The following TANK variants were observed in gnomAD, a reference collection of about 807,000 sequenced individuals.
TANK encodes TRAF family member associated NFKB activator.
TANK carries 15 observed loss-of-function variants against 43.6 expected under a neutral mutation model. That is an observed-to-expected ratio of 0.34 (90% CI 0.23 to 0.53). The LOEUF is 0.53. Ranked by LOEUF, TANK falls within the 20% of genes least tolerant of loss-of-function variation. The pLI, the probability that TANK is intolerant of heterozygous loss-of-function variation, is 0.94. For synonymous variants in TANK, 162 were observed against 178.2 expected (o/e 0.91, Z 0.73); for missense variants, 417 against 498.6 (o/e 0.84, Z 1.56).
At chr2:161,168,684 T>C (rs535776537) in intron 1 of TANK, among the ~76,000 whole-genome samples, 2 of 152,170 alleles carry the variant, frequency 1.3e-5, no homozygotes, top group South Asian at 4.1e-4. Flanking sequence ...AATACAAAAA[T>C]TAGCTGGGTG....
At chr2:161,210,408 C>T (rs1377988630) in intron 4 of TANK, among the ~76,000 whole-genome samples, 1 of 152,156 alleles carries the variant, frequency 6.6e-6, no homozygotes, top group Non-Finnish European at 1.5e-5. Flanking sequence ...TAATAGACAA[C>T]ATCTATCCCC....
At chr2:161,143,648 C>T (rs1419962326) in intron 1 of TANK, among the ~76,000 whole-genome samples, 1 of 151,864 alleles carries the variant, frequency 6.6e-6, no homozygotes, top group South Asian at 2.1e-4. Context: ...ACCAACCTTG[C>T]GTCCCAGGGA....
chr2:161,199,535 A>C lies in TANK; in HGVS notation c.100-3952A>C, dbSNP rs373052037. Among the ~76,000 whole-genome samples, 33 of 152,336 alleles carry C rather than the reference A, an allele frequency of 2.2e-4. 2 individuals are homozygous for C. The South Asian group carries it at 6.8e-3, about 32-fold the overall frequency. ...GATACTCATGGAAATTTAAACATCTATCTACAGAAAATTATAGGAAATATG... is the reference window on the plus strand; with the variant it reads ...GATACTCATGGAAATTTAAACATCTCTCTACAGAAAATTATAGGAAATATG... On this transcript the variant is annotated intron_variant, in intron 2 of 7. Coordinates refer to ENST00000392749, the MANE Select transcript of TANK (RefSeq NM_001199135.3).
chr2:161,194,293 A>G (rs1558987892), intron 2 of TANK, among the ~76,000 whole-genome samples: 1 of 152,004 alleles, frequency 6.6e-6, no homozygotes, highest in Non-Finnish European at 1.5e-5. Flanking sequence ...TTGAGAAGAG[A>G]AATTTGAAAT....
rs141987490 is a variant in TANK at position 161,216,788 on chromosome 2, A to G, written c.328-7127A>G. ...AAGTTAAATTTTCTACAAGATGTTA[A>G]TGGAAAAAGGATAATTTCTAGACAA... On this transcript the variant is annotated intron_variant, in intron 4 of 7. Coordinates refer to ENST00000392749, the MANE Select transcript of TANK (RefSeq NM_001199135.3). Among the ~76,000 whole-genome samples the G allele has an allele frequency of 2.2e-4, 34 of 152,316 alleles. No individual in the cohort carries two copies. In the East Asian group the frequency reaches 6.5e-3, roughly 29 times the overall value.
At chr2:161,228,407 C>T (rs1309801984) in intron 6 of TANK, among the ~76,000 whole-genome samples, 4 of 151,942 alleles carry the variant, frequency 2.6e-5, no homozygotes, top group African/African-American at 7.3e-5. Flanking sequence ...GACGCATGCC[C>T]GTAATCCCAG....
chr2:161,149,420 T>C (rs1459757786), intron 1 of TANK, among the ~76,000 whole-genome samples: 3 of 152,204 alleles, frequency 2.0e-5, no homozygotes, highest in Admixed American at 6.5e-5. Flanking sequence ...TAGGATAATA[T>C]CATCTAAGGA....
chr2:161,229,011 C>T (rs1687772957), intron 6 of TANK, among the ~76,000 whole-genome samples: 3 of 152,212 alleles, frequency 2.0e-5, no homozygotes, highest in African/African-American at 7.2e-5. Flanking sequence ...CTGCATTTCT[C>T]AAAATGTTCC....
upstream of TANK, among the ~76,000 whole-genome samples, chr2:161,159,424 G>C (rs1157034436): frequency 1.3e-5 from 2 of 152,156 alleles, no homozygotes; most frequent in African/African-American, 2.4e-5. Flanking sequence ...AAGCAGTACT[G>C]TATTGTGATG....
intron 2 of TANK, among the ~76,000 whole-genome samples, chr2:161,199,135 G>A (rs535713219): frequency 1.4e-4 from 22 of 152,222 alleles, no homozygotes; most frequent in Non-Finnish European, 2.4e-4. Flanking sequence ...TTCATGAACT[G>A]TAGAGCTTCC....
intron 2 of TANK, chr2:161,200,673 T>G (rs1686363681): frequency 2.2e-6 from 1 of 445,492 alleles, no homozygotes. Context: ...TAGTTTCCCT[T>G]TGTCGTATTT....
intron 1 of TANK, among the ~76,000 whole-genome samples, chr2:161,141,203 T>A (rs529906007): frequency 6.6e-6 from 1 of 152,290 alleles, no homozygotes; most frequent in African/African-American, 2.4e-5. Context: ...AGTGTACTAT[T>A]AAGCAGTTGT....
chr2:161,232,692 A>G (rs1182044964), intron 7 of TANK: 2 of 1,529,302 alleles, frequency 1.3e-6, no homozygotes, highest in African/African-American at 2.8e-5. Flanking sequence ...AATGCTTGTT[A>G]CTTTTTTCTC....
rs3835941 is a variant in TANK, at chr2:161,235,731, CAA to C, written c.*220_*221del. On this transcript the variant is annotated 3_prime_UTR_variant, in exon 8 of 8. Coordinates refer to ENST00000392749, the MANE Select transcript of TANK (RefSeq NM_001199135.3). Reference sequence around the variant, plus strand: ...AGAAATAAGCCTAAAAGAAGAAAAACAAAAAAAATTCTGTATAAAACTGTAAT... The same window carrying C: ...AGAAATAAGCCTAAAAGAAGAAAAACAAAAAATTCTGTATAAAACTGTAAT... 1 of 381,964 alleles carries C rather than the reference CAA, an allele frequency of 2.6e-6. No individual in the cohort carries two copies. The highest frequency in any genetic ancestry group is 4.6e-6 in the Non-Finnish European group (1 of 218,726). The allele number at this position is 381,964 out of a possible 1,614,324, so 23.7% of individuals were successfully genotyped here.
intron 1 of TANK, among the ~76,000 whole-genome samples, chr2:161,174,565 G>A (rs1218203021): frequency 3.9e-5 from 6 of 152,098 alleles, no homozygotes; most frequent in Admixed American, 3.9e-4. Context: ...CACCATATTT[G>A]CTGAGCAAAA....
At chr2:161,181,439 C>A (rs569559759) in intron 2 of TANK, among the ~76,000 whole-genome samples, 74 of 151,026 alleles carry the variant, frequency 4.9e-4, no homozygotes, top group East Asian at 3.5e-3. Flanking sequence ...ACAACAACAA[C>A]AAAAAAAAAC....
At chr2:161,160,182 T>C (rs1318371080), upstream of TANK, 1 of 383,296 alleles carries the variant, frequency 2.6e-6, no homozygotes, top group African/African-American at 2.1e-5. Flanking sequence ...ACAAGTGACC[T>C]TTACACTTGA....
At chr2:161,161,119 C>A in intron 1 of TANK, 2 of 1,224,940 alleles carry the variant, frequency 1.6e-6, no homozygotes, top group Non-Finnish European at 1.1e-6. Flanking sequence ...AGTCCTCACG[C>A]CGGTGTAAAC....
At chr2:161,168,997 G>T (rs1173389331) in intron 1 of TANK, among the ~76,000 whole-genome samples, 1 of 152,210 alleles carries the variant, frequency 6.6e-6, no homozygotes, top group Non-Finnish European at 1.5e-5. Flanking sequence ...TTTTAGTTAT[G>T]CAAAGCCTCA....
Sources: gnomAD v4.1 joint callset for allele counts (sites outside exome capture counted in the v4.1 genomes callset) on GRCh38, gnomAD v4.1.1 for gene constraint, MANE v1.5 for transcripts, NCBI Gene and HGNC (gene_info 2026-07-23, HGNC 2026-07-21) for gene names.